Variants in ZNF521 observed in about 807,000 individuals in gnomAD.
ZNF521 encodes LYST-interacting protein 3.
Under a neutral mutation model 105.5 loss-of-function variants are expected in ZNF521, and 14 were observed. That is an observed-to-expected ratio of 0.13 (90% CI 0.09 to 0.21). ZNF521 has a LOEUF of 0.21. ZNF521 is among the 10% of genes least tolerant of loss of function. The probability of loss-of-function intolerance (pLI) is 1.00; values close to 1 mark genes in which losing one functional copy is unlikely to be tolerated. For missense variants in ZNF521, 1,233 were observed against 1,629.7 expected (o/e 0.76, Z 4.19); for synonymous variants, 635 against 606.0 (o/e 1.05, Z -0.70).
chr18:25,262,962 T>C (rs1349755591), intron 3 of ZNF521, among the ~76,000 whole-genome samples: 1 of 152,194 alleles, frequency 6.6e-6, no homozygotes, highest in Non-Finnish European at 1.5e-5. Context: ...TAGATACCAC[T>C]GGTGAGTAAC....
chr18:25,097,395 G>A (rs2033875151), intron 5 of ZNF521, among the ~76,000 whole-genome samples: 1 of 152,154 alleles, frequency 6.6e-6, no homozygotes, highest in South Asian at 2.1e-4. Context: ...AAGTAAGGCA[G>A]AATTTGAGAG....
intron 2 of ZNF521, among the ~76,000 whole-genome samples, chr18:25,349,267 G>T (rs1480459028): frequency 6.6e-6 from 1 of 152,114 alleles, no homozygotes; most frequent in African/African-American, 2.4e-5. Flanking sequence ...TCTCGCCGGC[G>T]CGAGCCTGGT....
chr18:25,173,763 AG>A (rs1191466379), intron 5 of ZNF521, among the ~76,000 whole-genome samples: 6 of 152,330 alleles, frequency 3.9e-5, no homozygotes, highest in Admixed American at 3.3e-4. Flanking sequence ...TTAAGAAAAA[AG>A]GGGTCATGTT....
intron 3 of ZNF521, among the ~76,000 whole-genome samples, chr18:25,299,826 T>G (rs1030226553): frequency 6.6e-6 from 1 of 152,200 alleles, no homozygotes; most frequent in Non-Finnish European, 1.5e-5. Flanking sequence ...CATGGTAGAC[T>G]TGGAAGAAAT....
chr18:25,348,076 C>G (rs1055495706), intron 2 of ZNF521, among the ~76,000 whole-genome samples: 11 of 152,138 alleles, frequency 7.2e-5, no homozygotes, highest in African/African-American at 2.7e-4. Context: ...CTTTTAATTG[C>G]AAACCTATTA....
chr18:25,085,683 G>A (rs200750368), intron 7 of ZNF521, among the ~76,000 whole-genome samples: 3 of 136,476 alleles, frequency 2.2e-5, no homozygotes, highest in East Asian at 2.1e-4. Context: ...GTGTGTGTGT[G>A]TATACATATA....
chr18:25,090,801 G>A (rs2033728552), intron 6 of ZNF521, among the ~76,000 whole-genome samples: 1 of 152,148 alleles, frequency 6.6e-6, no homozygotes, highest in African/African-American at 2.4e-5. Flanking sequence ...GAAGACTTAT[G>A]AGCTTTTATA....
intron 3 of ZNF521, among the ~76,000 whole-genome samples, chr18:25,268,515 A>G (rs956891770): frequency 6.6e-6 from 1 of 152,234 alleles, no homozygotes; most frequent in African/African-American, 2.4e-5. Flanking sequence ...AAAAAATGTT[A>G]AGGGCAGCCA....
intron 3 of ZNF521, among the ~76,000 whole-genome samples, chr18:25,290,811 C>G (rs759232238): frequency 6.6e-6 from 1 of 151,870 alleles, no homozygotes; most frequent in Non-Finnish European, 1.5e-5. Flanking sequence ...CACCCAGCCA[C>G]CCAAAGTGCT....
At position 25,226,763 on chromosome 18, in the gene ZNF521, C is replaced by A; in HGVS notation, c.1155G>T (p.Arg385Ser). The A allele has an allele frequency of 6.2e-7, 1 of 1,614,054 alleles. No homozygotes were observed. Among genetic ancestry groups the A allele is most frequent in the Non-Finnish European group, 8.5e-7 (1 of 1,179,990 alleles). ...TCATGTCAGGGGTTTGTTGAGCGGC[C>A]CTCTTCCTCCCTCGACTCTTTGGGA... ...PPIPKSRGRK[R>S]AAQQTPDMTG... Residue 385 changes from arginine to serine, a missense_variant, in exon 4 of 8, where the codon AGG becomes AGT. By Grantham distance (110) the Arg-to-Ser change is moderately radical. Around this residue, in one of 6 missense-constraint regions of ZNF521, gnomAD observed 380 missense variants for 478.0 expected, o/e 0.80. Coordinates refer to ENST00000361524, the MANE Select transcript of ZNF521 (RefSeq NM_015461.3). The surrounding 1 kb of genome is among the most constrained non-coding windows in gnomAD (Gnocchi z 4.1).
chr18:25,065,795 A>G (rs145650634), intron 7 of ZNF521, among the ~76,000 whole-genome samples: 12 of 152,352 alleles, frequency 7.9e-5, no homozygotes, highest in Non-Finnish European at 1.5e-4. Context: ...ACAAGAACCC[A>G]AAACAAACTG....
At chr18:25,074,978 A>G (rs534439237) in intron 7 of ZNF521, among the ~76,000 whole-genome samples, 1 of 152,366 alleles carries the variant, frequency 6.6e-6, no homozygotes, top group African/African-American at 2.4e-5. Flanking sequence ...ATAAAGCAAT[A>G]TAATTAAAAA....
chr18:25,091,847 T>A, intron 6 of ZNF521, 103 bp downstream of exon 6: 1 of 1,403,010 alleles, frequency 7.1e-7, no homozygotes, highest in Admixed American at 2.4e-5. Context: ...TGAACTGAAG[T>A]CATGTCTGTA....
At chr18:25,303,243 A>G (rs1337030419) in intron 3 of ZNF521, among the ~76,000 whole-genome samples, 4 of 32,666 alleles carry the variant, frequency 1.2e-4, no homozygotes, top group East Asian at 4.0e-3. Context: ...GAATTCTGTG[A>G]AAAAAAAAAG....
rs190042446 is a variant in ZNF521 at position 25,201,907 on chromosome 18, A to G, written c.3574-6663T>C. On this transcript the variant is annotated intron_variant, in intron 4 of 7. Coordinates refer to ENST00000361524, the MANE Select transcript of ZNF521 (RefSeq NM_015461.3). ...GAGTCGATATGAAAAGTAAGTGAGA[A>G]TTATATAAAAGTGCTTGGTACCATG... is the stretch of plus-strand genomic sequence containing the variant. 8 of 152,302 alleles carry G rather than the reference A, an allele frequency of 5.3e-5. No individual in the cohort carries two copies. The East Asian group carries it at 1.2e-3, about 22-fold the overall frequency. The allele number at this position is 152,302 out of a possible 1,614,324, so 9.4% of individuals were successfully genotyped here. A position where few individuals can be genotyped will look rare whatever the true frequency, so the allele number is the denominator to read the frequency against.
intron 3 of ZNF521, among the ~76,000 whole-genome samples, chr18:25,253,111 A>G (rs1414463765): frequency 6.6e-6 from 1 of 152,146 alleles, no homozygotes; most frequent in Non-Finnish European, 1.5e-5. Context: ...CTGACATGCC[A>G]TTTTATTATT....
At chr18:25,169,942 A>G (rs1385460140) in intron 5 of ZNF521, among the ~76,000 whole-genome samples, 2 of 152,144 alleles carry the variant, frequency 1.3e-5, no homozygotes, top group Non-Finnish European at 2.9e-5. Context: ...TTTCTGAAGG[A>G]AACTTAAAGT....
At chr18:25,307,451 C>A (rs192257170) in intron 3 of ZNF521, among the ~76,000 whole-genome samples, 1 of 152,284 alleles carries the variant, frequency 6.6e-6, no homozygotes, top group East Asian at 1.9e-4. Context: ...TACCTCCACC[C>A]CTAGCTGGGT....
rs577949156 is a variant in ZNF521, at chr18:25,337,614, A to G, written c.40+13293T>C. 3.9e-5 allele frequency among the ~76,000 whole-genome samples: 6 copies of G among 152,334 alleles called. No individual in the cohort carries two copies. In the South Asian group the frequency reaches 1.2e-3, roughly 32 times the overall value. On this transcript the variant is annotated intron_variant, in intron 2 of 7. Transcript: ENST00000361524. ...TGTTTTTTCACAAGTCGCATTAGTA[A>G]GGATGAAGTATTTAAACACAGGCAC... is the stretch of plus-strand genomic sequence containing the variant.
Sources: allele counts gnomAD v4.1 joint callset (sites outside exome capture counted in the v4.1 genomes callset), GRCh38; gene constraint gnomAD v4.1.1; regional missense constraint gnomAD v4.1.1; non-coding constraint Gnocchi (gnomAD v3.1); transcripts MANE v1.5; gene names NCBI Gene and HGNC (gene_info 2026-07-23, HGNC 2026-07-21).